The following RBFOX1 variants were observed in gnomAD, a reference collection of about 807,000 sequenced individuals.
The protein encoded by RBFOX1 is RNA binding protein fox-1 homolog 1.
A neutral mutation model predicts 57.7 loss-of-function variants in RBFOX1; 8 were observed. The ratio of observed to expected loss-of-function variants is 0.14; its 90% CI spans 0.08 to 0.25. RBFOX1 has a LOEUF of 0.25. Ranked by LOEUF, RBFOX1 falls within the 10% of genes least tolerant of loss-of-function variation. The probability of loss-of-function intolerance (pLI) is 1.00; values close to 1 mark genes in which losing one functional copy is unlikely to be tolerated. For missense variants in RBFOX1, 611 were observed against 548.5 expected, an observed-to-expected ratio of 1.11 and a Z score of -1.14; for synonymous variants, 326 against 222.4, an observed-to-expected ratio of 1.47 and a Z score of -4.15.
At chr16:6,605,307 A>G (rs1190199537) in intron 2 of RBFOX1, among the ~76,000 whole-genome samples, 1 of 152,188 alleles carries the variant, frequency 6.6e-6, no homozygotes, top group Non-Finnish European at 1.5e-5. Context: ...TAGCATCTAT[A>G]CTTCACCTTC....
chr16:7,713,284 GAATA>G lies in RBFOX1; in HGVS notation c.*2542_*2545del, dbSNP rs1296759215. ...GTTTATATCACTTACAGTGGTTTGT[GAATA>G]AAGAAAACTGGTTTGTAATATCAAA... On this transcript the variant is annotated 3_prime_UTR_variant, in exon 16 of 16. Transcript: ENST00000550418. 6.6e-6 allele frequency: 1 copy of G among 152,148 alleles called. No homozygotes were observed. The highest frequency in any genetic ancestry group is 6.5e-5 in the Admixed American group (1 of 15,282). The allele number at this position is 152,148 out of a possible 1,614,324, so 9.4% of individuals were successfully genotyped here. A position where few individuals can be genotyped will look rare whatever the true frequency, so the allele number is the denominator to read the frequency against.
At position 6,324,231 on chromosome 16, in the gene RBFOX1, T is replaced by C. The variant is rs1391224334; in HGVS notation, c.-64+7174T>C. Among the ~76,000 whole-genome samples the C allele has an allele frequency of 2.3e-5, 3 of 133,264 alleles. No individual in the cohort carries two copies. In the East Asian group the frequency reaches 7.1e-4, roughly 31 times the overall value. 87.4% of individuals were successfully genotyped at this position (133,264 alleles called of 152,430 possible). A position where few individuals can be genotyped will look rare whatever the true frequency, so the allele number is the denominator to read the frequency against. ...TTAGCTCCCATTTACAAGAACTACA[T>C]AACTCTTAACAACACATTTGACCAA... On this transcript the variant is annotated intron_variant, in intron 2 of 15. Coordinates refer to ENST00000550418, the MANE Select transcript of RBFOX1 (RefSeq NM_018723.4).
At chr16:6,922,241 C>T (rs74008447) in intron 3 of RBFOX1, among the ~76,000 whole-genome samples, 2,697 of 152,222 alleles carry the variant, frequency 0.018, 76 homozygotes, top group African/African-American at 0.06. Context: ...GCATCGATCT[C>T]AGAAAGACCT....
chr16:7,226,471 A>C (rs2093129568), intron 4 of RBFOX1, among the ~76,000 whole-genome samples: 1 of 151,850 alleles, frequency 6.6e-6, no homozygotes, highest in Non-Finnish European at 1.5e-5. Flanking sequence ...GCCTGCATTG[A>C]CTCTCCACTT....
intron 3 of RBFOX1, among the ~76,000 whole-genome samples, chr16:6,825,431 A>T (rs769851360): frequency 1.2e-4 from 19 of 152,222 alleles, no homozygotes; most frequent in Non-Finnish European, 2.1e-4. Flanking sequence ...GGCAGGGATG[A>T]TTTGAAAAGG....
chr16:6,473,027 A>G (rs562522193), intron 2 of RBFOX1, among the ~76,000 whole-genome samples: 4 of 152,266 alleles, frequency 2.6e-5, no homozygotes, highest in African/African-American at 9.6e-5. Context: ...TACAAGATGT[A>G]TGCTGGTATA....
chr16:7,184,473 T>A (rs1418461579), intron 4 of RBFOX1, among the ~76,000 whole-genome samples: 2 of 152,252 alleles, frequency 1.3e-5, no homozygotes, highest in African/African-American at 4.8e-5. Context: ...ATTGCATGCA[T>A]GTTTTTACCT....
intron 5 of RBFOX1, among the ~76,000 whole-genome samples, chr16:7,534,517 G>A (rs879284154): frequency 6.6e-6 from 1 of 152,110 alleles, no homozygotes; most frequent in Non-Finnish European, 1.5e-5. Flanking sequence ...AACTTCCCCT[G>A]TAGCTAGAAT....
At chr16:5,975,094 C>T (rs1334140807) in intron 4 of RBFOX1, among the ~76,000 whole-genome samples, 1 of 152,096 alleles carries the variant, frequency 6.6e-6, no homozygotes, top group Non-Finnish European at 1.5e-5. Context: ...TAAGTTGAAA[C>T]AACAACAACA....
intron 3 of RBFOX1, among the ~76,000 whole-genome samples, chr16:5,814,050 T>G (rs1470579721): frequency 1.3e-5 from 2 of 152,254 alleles, no homozygotes; most frequent in Non-Finnish European, 2.9e-5. Context: ...TAATAGTAGT[T>G]ATTATTACTA....
intron 14 of RBFOX1, among the ~76,000 whole-genome samples, chr16:7,697,676 A>T (rs1333648517): frequency 6.6e-6 from 1 of 152,138 alleles, no homozygotes; most frequent in Non-Finnish European, 1.5e-5. Context: ...GTCACACTGG[A>T]GTCCATCTGA....
At chr16:6,861,824 T>TG (rs1491228027) in intron 3 of RBFOX1, among the ~76,000 whole-genome samples, 13 of 17,508 alleles carry the variant, frequency 7.4e-4, no homozygotes, top group African/African-American at 1.4e-3. Flanking sequence ...CGTCCCTTGG[T>TG]TTTTTTTTTT....
At chr16:6,477,580 G>C (rs1008862263) in intron 2 of RBFOX1, among the ~76,000 whole-genome samples, 3 of 152,150 alleles carry the variant, frequency 2.0e-5, no homozygotes. Flanking sequence ...AGCATAGGCA[G>C]AGTAGATTTA....
chr16:7,440,096 G>A (rs1002547260), intron 4 of RBFOX1, among the ~76,000 whole-genome samples: 4 of 151,856 alleles, frequency 2.6e-5, no homozygotes, highest in East Asian at 1.9e-4. Flanking sequence ...GGGTTTTGCC[G>A]TGTCGCCTAG....
intron 3 of RBFOX1, among the ~76,000 whole-genome samples, chr16:6,814,428 T>C (rs1208890810): frequency 6.6e-6 from 1 of 152,132 alleles, no homozygotes; most frequent in African/African-American, 2.4e-5. Context: ...AAGCCTGACA[T>C]TGGGTGGTAG....
intron 3 of RBFOX1, among the ~76,000 whole-genome samples, chr16:6,888,445 T>C (rs1311861526): frequency 6.6e-6 from 1 of 152,196 alleles, no homozygotes; most frequent in Admixed American, 6.5e-5. Flanking sequence ...CTTTATATAG[T>C]CACTTACTGT....
At chr16:6,934,097 G>C (rs1046166113) in intron 3 of RBFOX1, among the ~76,000 whole-genome samples, 2 of 152,190 alleles carry the variant, frequency 1.3e-5, no homozygotes, top group Non-Finnish European at 2.9e-5. Flanking sequence ...TTCAGAGGTA[G>C]TTGGCAATGC....
rs138876816 is a variant in RBFOX1 at position 7,146,603 on chromosome 16, C to G, written c.27+94505C>G. Among the ~76,000 whole-genome samples, 102 of 152,224 alleles carry G rather than the reference C, an allele frequency of 6.7e-4. 3 individuals carry two copies. The highest frequency in any genetic ancestry group is 2.1e-3 in the African/African-American group (88 of 41,544). On this transcript the variant is annotated intron_variant, in intron 4 of 15. Transcript: ENST00000550418. Reference sequence around the variant, plus strand: ...AAGCAAGAAGAATAAGCTTATGATACCCAGCATATTCTTCAGCACTCCAGA... The same window carrying G: ...AAGCAAGAAGAATAAGCTTATGATAGCCAGCATATTCTTCAGCACTCCAGA...
At chr16:7,077,577 C>T (rs999045844) in intron 4 of RBFOX1, among the ~76,000 whole-genome samples, 3 of 152,158 alleles carry the variant, frequency 2.0e-5, no homozygotes, top group Admixed American at 6.5e-5. Flanking sequence ...ATGAAATTTG[C>T]TGCTAAGTTC....
Sources: gnomAD v4.1 joint callset for allele counts (sites outside exome capture counted in the v4.1 genomes callset) on GRCh38, gnomAD v4.1.1 for gene constraint, MANE v1.5 for transcripts, NCBI Gene and HGNC (gene_info 2026-07-23, HGNC 2026-07-21) for gene names.